The following SAMTOR variants were observed in gnomAD, a reference collection of about 807,000 sequenced individuals.
SAMTOR encodes S-adenosylmethionine sensor upstream of mTORC1, also known as UPF0532 protein C7orf60.
At chr7:112,840,717 A>G in the SAMTOR span, among the ~76,000 whole-genome samples, 4 of 151,798 alleles carry the variant, frequency 2.6e-5, no homozygotes, top group Non-Finnish European at 5.9e-5. Context: ...TAAAGTTTCT[A>G]TTTCCCGTAG....
the SAMTOR span, among the ~76,000 whole-genome samples, chr7:112,919,915 C>T: frequency 6.6e-6 from 1 of 152,094 alleles, no homozygotes; most frequent in African/African-American, 2.4e-5. Context: ...GTTGAAACTC[C>T]AAATAGACCA....
At chr7:112,842,050 TTTAGGTCGTACC>T in the SAMTOR span, among the ~76,000 whole-genome samples, 1 of 152,022 alleles carries the variant, frequency 6.6e-6, no homozygotes, top group South Asian at 2.1e-4. Context: ...CTCTGCTGAC[TTTAGGTCGTACC>T]TTGTTTTCAT....
At chr7:112,901,328 G>A in the SAMTOR span, among the ~76,000 whole-genome samples, 4 of 152,092 alleles carry the variant, frequency 2.6e-5, no homozygotes. Flanking sequence ...ATAGAAGCAC[G>A]AACCCTTATT....
the SAMTOR span, among the ~76,000 whole-genome samples, chr7:112,873,204 T>TA: frequency 9.4e-3 from 1,384 of 147,618 alleles, 22 homozygotes; most frequent in African/African-American, 0.032. Context: ...TTCACAGAAT[T>TA]AAAAAAAAAA....
At chr7:112,835,543 A>G in the SAMTOR span, among the ~76,000 whole-genome samples, 1 of 152,060 alleles carries the variant, frequency 6.6e-6, no homozygotes, top group Admixed American at 6.6e-5. Flanking sequence ...CAGGTAAACT[A>G]CGTGTCTCAG....
the SAMTOR span, among the ~76,000 whole-genome samples, chr7:112,921,986 C>T: frequency 4.6e-5 from 7 of 151,046 alleles, no homozygotes; most frequent in South Asian, 2.1e-4. Context: ...CCGCTCCCCA[C>T]GGTCTCCCTC....
chr7:112,919,158 C>T, the SAMTOR span, among the ~76,000 whole-genome samples: 3 of 152,200 alleles, frequency 2.0e-5, no homozygotes, highest in African/African-American at 4.8e-5. Context: ...TTTTTCAGCA[C>T]CACACCACAC....
the SAMTOR span, among the ~76,000 whole-genome samples, chr7:112,907,170 G>T: frequency 3.3e-5 from 5 of 152,064 alleles, no homozygotes; most frequent in Non-Finnish European, 7.4e-5. Flanking sequence ...TGACAGAAAA[G>T]CTAAAACAAA....
chr7:112,931,872 G>T, the SAMTOR span, among the ~76,000 whole-genome samples: 1 of 151,468 alleles, frequency 6.6e-6, no homozygotes, highest in Non-Finnish European at 1.5e-5. Flanking sequence ...ATATATTGGG[G>T]TTGAAAAATT....
At chr7:112,821,168 G>A in the SAMTOR span, 1 of 152,080 alleles carries the variant, frequency 6.6e-6, no homozygotes, top group Non-Finnish European at 1.5e-5. Context: ...TTAATATAAG[G>A]AAGAAATAAA....
At chr7:112,874,058 G>A in the SAMTOR span, among the ~76,000 whole-genome samples, 1 of 152,064 alleles carries the variant, frequency 6.6e-6, no homozygotes, top group South Asian at 2.1e-4. Flanking sequence ...ACAGATGTTG[G>A]CAGGGATACA....
chr7:112,896,074 G>A, the SAMTOR span, among the ~76,000 whole-genome samples: 7 of 152,164 alleles, frequency 4.6e-5, no homozygotes, highest in African/African-American at 1.7e-4. Context: ...ACAACATCCA[G>A]AAGGAATAGT....
chr7:112,891,740 T>C, the SAMTOR span, among the ~76,000 whole-genome samples: 1 of 152,224 alleles, frequency 6.6e-6, no homozygotes, highest in Non-Finnish European at 1.5e-5. Context: ...AAAAACAATG[T>C]ACAGATCTTA....
chr7:112,922,564 C>T, the SAMTOR span, among the ~76,000 whole-genome samples: 1 of 151,784 alleles, frequency 6.6e-6, no homozygotes, highest in African/African-American at 2.4e-5. Flanking sequence ...TGTCTCTACC[C>T]AGCCGCCCAT....
the SAMTOR span, among the ~76,000 whole-genome samples, chr7:112,874,116 G>A: frequency 6.6e-6 from 1 of 152,014 alleles, no homozygotes; most frequent in South Asian, 2.1e-4. Flanking sequence ...AATTAGTTTA[G>A]CCCACATGAA....
At chr7:112,872,805 T>C in the SAMTOR span, among the ~76,000 whole-genome samples, 1 of 135,320 alleles carries the variant, frequency 7.4e-6, no homozygotes, top group Admixed American at 7.4e-5. Context: ...AAATCAGTAG[T>C]AAAAAAAAAA....
chr7:112,832,064 T>C, the SAMTOR span, among the ~76,000 whole-genome samples: 1 of 150,648 alleles, frequency 6.6e-6, no homozygotes, highest in African/African-American at 2.4e-5. Flanking sequence ...CAGGCTGGAG[T>C]GCAGTGGCGC....
chr7:112,912,826 GA>G, the SAMTOR span, among the ~76,000 whole-genome samples: 2 of 151,970 alleles, frequency 1.3e-5, no homozygotes, highest in Non-Finnish European at 2.9e-5. Flanking sequence ...AAAATCCAAG[GA>G]AAAAGGAAGA....
At chr7:112,887,524 T>C in the SAMTOR span, among the ~76,000 whole-genome samples, 2 of 152,190 alleles carry the variant, frequency 1.3e-5, no homozygotes, top group Admixed American at 6.5e-5. Flanking sequence ...ACTGGTATTC[T>C]TCCTTCCTTA....
Sources: allele counts gnomAD v4.1 joint callset (sites outside exome capture counted in the v4.1 genomes callset), GRCh38; gene constraint gnomAD v4.1.1; transcripts MANE v1.5; gene names NCBI Gene and HGNC (gene_info 2026-07-23, HGNC 2026-07-21).